ATL1: variants seen among roughly 807,000 people sequenced by gnomAD.
ATL1 encodes the protein atlastin GTPase 1.
A neutral mutation model predicts 75.5 loss-of-function variants in ATL1; 31 were observed. That is an observed-to-expected ratio of 0.41 (90% CI 0.31 to 0.55). The LOEUF (loss-of-function observed/expected upper bound fraction) is 0.55. Ranked by LOEUF, ATL1 falls within the 20% of genes least tolerant of loss-of-function variation. The pLI is 0.27. For synonymous variants in ATL1, 226 were observed against 233.3 expected, an observed-to-expected ratio of 0.97 and a Z score of 0.28; for missense variants, 405 against 662.6, an observed-to-expected ratio of 0.61 and a Z score of 4.27.
chr14:50,545,050 C>G (rs746478065), intron 1 of ATL1, among the ~76,000 whole-genome samples: 80 of 151,868 alleles, frequency 5.3e-4, no homozygotes, highest in Non-Finnish European at 1.1e-3. Flanking sequence ...GGCTGTGAGC[C>G]AAGGCCATGA....
intron 6 of ATL1, among the ~76,000 whole-genome samples, chr14:50,597,303 T>A (rs1285355408): frequency 2.0e-5 from 3 of 151,348 alleles, no homozygotes; most frequent in Non-Finnish European, 4.4e-5. Flanking sequence ...AAGCTATATG[T>A]CTCAGGATGG....
In ATL1 at chr14:50,590,920, A is replaced by C. The variant is rs760663394; in HGVS notation, c.283-21A>C. The C allele has an allele frequency of 3.1e-6, 5 of 1,612,376 alleles. No homozygotes were observed. In the Admixed American group the frequency reaches 5.0e-5, roughly 16 times the overall value. On this transcript the variant is annotated intron_variant, in intron 2 of 13. Transcript: ENST00000358385. ...ATATACACATATCAAGTTCCATATC[A>C]TAGACTTTATCATTTTATAGGAATC...
intron 6 of ATL1, among the ~76,000 whole-genome samples, chr14:50,610,986 C>T (rs539658435): frequency 3.4e-4 from 52 of 152,232 alleles, no homozygotes; most frequent in Non-Finnish European, 3.4e-4. Context: ...CCTCTGACCA[C>T]AGTGATTATT....
chr14:50,587,811 G>T lies in ATL1; in HGVS notation c.35-20G>T, dbSNP rs1342373492. On this transcript the variant is annotated intron_variant, in intron 1 of 13. Transcript: ENST00000358385. ...CACTTTGAGATGATTAGCTGAACCA[G>T]TCACTGCTCTGTTCAACAGGTGGAT... is the stretch of plus-strand genomic sequence containing the variant. 2.5e-6 allele frequency: 4 copies of T among 1,614,012 alleles called. No individual in the cohort carries two copies. The African/African-American group carries it at 5.3e-5, about 22-fold the overall frequency.
intron 6 of ATL1, among the ~76,000 whole-genome samples, chr14:50,599,154 A>G (rs2039248478): frequency 6.6e-6 from 1 of 152,240 alleles, no homozygotes; most frequent in Non-Finnish European, 1.5e-5. Context: ...ACAGATTGGT[A>G]GAAGACATTG....
At chr14:50,551,575 A>C (rs2038703274) in intron 1 of ATL1, among the ~76,000 whole-genome samples, 1 of 152,162 alleles carries the variant, frequency 6.6e-6, no homozygotes, top group Non-Finnish European at 1.5e-5. Flanking sequence ...ATAACAAAAA[A>C]AGAAAACTAC....
At chr14:50,533,494 CG>C (rs1310583281) in intron 1 of ATL1, 1 of 151,994 alleles carries the variant, frequency 6.6e-6, no homozygotes, top group African/African-American at 2.4e-5. Flanking sequence ...AACAGGAGTT[CG>C]GGGAAGTAAT....
chr14:50,549,266 C>T (rs1800785591), intron 1 of ATL1, among the ~76,000 whole-genome samples: 1 of 152,200 alleles, frequency 6.6e-6, no homozygotes, highest in Non-Finnish European at 1.5e-5. Context: ...TGGATACTGA[C>T]ACCATATAAC....
At chr14:50,557,289 T>C (rs2038776219), upstream of ATL1, among the ~76,000 whole-genome samples, 1 of 152,230 alleles carries the variant, frequency 6.6e-6, no homozygotes, top group Admixed American at 6.5e-5. Flanking sequence ...TAATCCCTAC[T>C]ACCCTCTTCC....
intron 1 of ATL1, chr14:50,560,540 C>A (rs2038826274): frequency 1.8e-6 from 1 of 566,046 alleles, no homozygotes. Context: ...CCTCCAGCTC[C>A]TTCTTCCCCA....
At chr14:50,579,272 G>A (rs2039034803) in intron 1 of ATL1, among the ~76,000 whole-genome samples, 1 of 152,162 alleles carries the variant, frequency 6.6e-6, no homozygotes, top group Admixed American at 6.5e-5. Context: ...ATCTATTGCA[G>A]TGGCACCTTT....
Position 50,575,942 on chromosome 14 carries a change from G to A in ATL1, c.35-11889G>A, listed in dbSNP as rs80189291. On this transcript the variant is annotated intron_variant, in intron 1 of 13. Transcript: ENST00000358385. ...CACATAGAATGAAAAAGTCCCCTAA[G>A]TCCCTATAGTGATTGAATATAAGAC... Among the ~76,000 whole-genome samples, 261 of 152,230 alleles carry A rather than the reference G, an allele frequency of 1.7e-3. 1 individual carries two copies. The highest frequency in any genetic ancestry group is 6.1e-3 in the African/African-American group (252 of 41,548).
intron 8 of ATL1, 135 bp downstream of exon 8, chr14:50,614,646 T>C: frequency 2.0e-6 from 2 of 1,011,774 alleles, no homozygotes; most frequent in Non-Finnish European, 1.5e-6. Flanking sequence ...GTCAGGAGAA[T>C]AGGGCATCCT....
At chr14:50,625,243 A>C (rs2039506182) in intron 11 of ATL1, among the ~76,000 whole-genome samples, 1 of 152,226 alleles carries the variant, frequency 6.6e-6, no homozygotes. Flanking sequence ...ACTCTGTTCA[A>C]TTCTATGAAT....
intron 1 of ATL1, among the ~76,000 whole-genome samples, chr14:50,548,775 A>C (rs1380190622): frequency 6.6e-6 from 1 of 151,994 alleles, no homozygotes; most frequent in African/African-American, 2.4e-5. Context: ...CTCCCAAAGT[A>C]CTGGGATTAC....
chr14:50,536,605 C>T (rs2038496478), intron 1 of ATL1, among the ~76,000 whole-genome samples: 1 of 152,158 alleles, frequency 6.6e-6, no homozygotes, highest in Non-Finnish European at 1.5e-5. Context: ...TTCCTAGAGG[C>T]TTGTTGAATG....
chr14:50,594,710 C>G (rs2039195864), intron 5 of ATL1, among the ~76,000 whole-genome samples: 1 of 152,108 alleles, frequency 6.6e-6, no homozygotes, highest in Non-Finnish European at 1.5e-5. Flanking sequence ...CAAGATTCTC[C>G]AGGGCCGGGT....
At chr14:50,535,593 T>C (rs1216321541) in intron 1 of ATL1, among the ~76,000 whole-genome samples, 2 of 40,318 alleles carry the variant, frequency 5.0e-5, no homozygotes, top group Non-Finnish European at 1.3e-4. Context: ...ATTGTTTTAC[T>C]AATTAGGGCC....
intron 1 of ATL1, among the ~76,000 whole-genome samples, chr14:50,546,976 A>C (rs1435028256): frequency 6.6e-6 from 1 of 151,986 alleles, no homozygotes; most frequent in East Asian, 1.9e-4. Context: ...TCCTAATGCT[A>C]TCCCTCCCCT....
Sources: allele counts gnomAD v4.1 joint callset (sites outside exome capture counted in the v4.1 genomes callset), GRCh38; gene constraint gnomAD v4.1.1; transcripts MANE v1.5; gene names NCBI Gene and HGNC (gene_info 2026-07-23, HGNC 2026-07-21).